The following CCDC146 variants were observed in gnomAD, a reference collection of about 807,000 sequenced individuals.
CCDC146 encodes coiled-coil domain containing 146.
A neutral mutation model predicts 119.3 loss-of-function variants in CCDC146; 92 were observed. The observed-to-expected ratio is 0.77, with a 90% CI of 0.65 to 0.92. CCDC146 has a LOEUF of 0.92. Ranked by LOEUF, CCDC146 falls within the 40% of genes least tolerant of loss-of-function variation. The pLI is 0.00. For synonymous variants in CCDC146, 372 were observed against 371.8 expected, an observed-to-expected ratio of 1.00 and a Z score of -0.01; for missense variants, 1,000 against 1,103.0, an observed-to-expected ratio of 0.91 and a Z score of 1.32.
Position 77,273,478 on chromosome 7 carries a change from G to C in CCDC146, c.1174-216G>C, listed in dbSNP as rs867852581. On this transcript the variant is annotated intron_variant, in intron 9 of 18. Transcript: ENST00000285871. ...TTTGCTCAGCATTTTCAAAAAGTGT[G>C]TGATGAGGTTGACTACACAGCAGTG... is the stretch of plus-strand genomic sequence containing the variant. Among the ~76,000 whole-genome samples, 39 of 152,114 alleles carry C rather than the reference G, an allele frequency of 2.6e-4. 1 individual carries two copies. Among genetic ancestry groups the C allele is most frequent in the Middle Eastern group, 6.8e-3 (2 of 294 alleles).
intron 3 of CCDC146, among the ~76,000 whole-genome samples, chr7:77,238,859 C>T (rs1792790164): frequency 6.6e-6 from 1 of 152,202 alleles, no homozygotes; most frequent in South Asian, 2.1e-4. Flanking sequence ...ATTTCTTCCT[C>T]TTCCAGGTTG....
intron 4 of CCDC146, among the ~76,000 whole-genome samples, chr7:77,250,296 A>G (rs1328545219): frequency 6.6e-6 from 1 of 152,022 alleles, no homozygotes; most frequent in African/African-American, 2.4e-5. Flanking sequence ...TTTGTGTAGA[A>G]CTGAGTTTCT....
intron 9 of CCDC146, among the ~76,000 whole-genome samples, chr7:77,263,783 GTGTGCTGGTGCACACCCA>G (rs1283152918): frequency 2.0e-5 from 3 of 152,132 alleles, no homozygotes; most frequent in African/African-American, 7.2e-5. Flanking sequence ...AATTGGTCGG[GTGTGCTGGTGCACACCCA>G]TGATCCCAGC....
chr7:77,213,086 T>C (rs1029528739), intron 2 of CCDC146, among the ~76,000 whole-genome samples: 1 of 152,012 alleles, frequency 6.6e-6, no homozygotes, highest in Non-Finnish European at 1.5e-5. Flanking sequence ...TGATGGCTTT[T>C]TGTGTGGTGG....
At chr7:77,267,525 C>CTT (rs74781634) in intron 9 of CCDC146, among the ~76,000 whole-genome samples, 2 of 149,700 alleles carry the variant, frequency 1.3e-5, no homozygotes, top group Non-Finnish European at 3.0e-5. Flanking sequence ...TAGACTTGAT[C>CTT]TTTTTTTTTT....
intron 1 of CCDC146, among the ~76,000 whole-genome samples, chr7:77,155,836 A>G (rs1304913971): frequency 1.3e-5 from 2 of 152,194 alleles, no homozygotes; most frequent in Non-Finnish European, 2.9e-5. Flanking sequence ...GTTCTGCCTC[A>G]TGTAAGGTGC....
At chr7:77,239,053 G>A (rs1792794496) in intron 3 of CCDC146, among the ~76,000 whole-genome samples, 1 of 152,158 alleles carries the variant, frequency 6.6e-6, no homozygotes, top group Non-Finnish European at 1.5e-5. Flanking sequence ...ATATAGCCTG[G>A]AAATATTGAA....
chr7:77,277,822 G>A lies in CCDC146; in HGVS notation c.1441-930G>A, dbSNP rs1344904068. 3.9e-5 allele frequency among the ~76,000 whole-genome samples: 5 copies of A among 129,274 alleles called. No individual in the cohort carries two copies. The East Asian group carries it at 7.0e-4, about 18-fold the overall frequency. 84.8% of individuals were successfully genotyped at this position (129,274 alleles called of 152,430 possible). A position where few individuals can be genotyped will look rare whatever the true frequency, so the allele number is the denominator to read the frequency against. On this transcript the variant is annotated intron_variant, in intron 11 of 18. Coordinates refer to ENST00000285871, the MANE Select transcript of CCDC146 (RefSeq NM_020879.3). Reference sequence around the variant, plus strand: ...CTTTGCTCTCAGTCCTTGAGAGAAGGCTGACAAACTCTTTCCTCTGGTTTA... The same window carrying A: ...CTTTGCTCTCAGTCCTTGAGAGAAGACTGACAAACTCTTTCCTCTGGTTTA...
chr7:77,252,699 A>G (rs927286013), intron 4 of CCDC146, among the ~76,000 whole-genome samples: 1 of 152,246 alleles, frequency 6.6e-6, no homozygotes, highest in African/African-American at 2.4e-5. Context: ...TATACAGAAT[A>G]AGAAAAGGAG....
chr7:77,137,146 A>C (rs180751595), intron 1 of CCDC146, among the ~76,000 whole-genome samples: 1,661 of 152,108 alleles, frequency 0.011, 23 homozygotes, highest in African/African-American at 0.038. Flanking sequence ...ACCTGTAGCT[A>C]ACATCATACT....
At chr7:77,170,862 T>G (rs868348420) in intron 2 of CCDC146, among the ~76,000 whole-genome samples, 7 of 152,268 alleles carry the variant, frequency 4.6e-5, no homozygotes, top group Middle Eastern at 6.8e-3. Flanking sequence ...AAAACCACAA[T>G]GAGATATTAT....
At chr7:77,174,554 G>A (rs1476345719) in intron 2 of CCDC146, among the ~76,000 whole-genome samples, 4 of 152,108 alleles carry the variant, frequency 2.6e-5, no homozygotes, top group Admixed American at 6.6e-5. Flanking sequence ...AGGTTGTCGG[G>A]TTGATGCCAT....
At chr7:77,160,028 C>T (rs1355522753) in intron 1 of CCDC146, among the ~76,000 whole-genome samples, 2 of 152,172 alleles carry the variant, frequency 1.3e-5, no homozygotes, top group Admixed American at 6.6e-5. Context: ...AATAGGGAAT[C>T]CTTTCCCCAT....
rs907785484 is a variant in CCDC146, at chr7:77,292,901, A to C, written c.2416-51A>C. On this transcript the variant is annotated intron_variant, in intron 17 of 18. Coordinates refer to ENST00000285871, the MANE Select transcript of CCDC146 (RefSeq NM_020879.3). ...AGACAGCCAGCAGCCTGCCATTTTA[A>C]GTCTTTGTGGACTGTATACATAGAC... 6 of 1,558,938 alleles carry C rather than the reference A, an allele frequency of 3.8e-6. No individual in the cohort carries two copies. The African/African-American group carries it at 6.9e-5, about 18-fold the overall frequency.
intron 1 of CCDC146, among the ~76,000 whole-genome samples, chr7:77,123,549 C>T (rs1790655453): frequency 6.6e-6 from 1 of 151,962 alleles, no homozygotes; most frequent in Non-Finnish European, 1.5e-5. Flanking sequence ...GTTTCTCTCT[C>T]CCCCTCTGTG....
intron 14 of CCDC146, among the ~76,000 whole-genome samples, chr7:77,281,936 T>G (rs1793771702): frequency 6.6e-6 from 1 of 152,208 alleles, no homozygotes; most frequent in Non-Finnish European, 1.5e-5. Context: ...AGATCAGTGG[T>G]GCATGATCGG....
At chr7:77,294,590 T>G in intron 18 of CCDC146, 73 bp from the exon 19 acceptor site, 2 of 1,456,792 alleles carry the variant, frequency 1.4e-6, no homozygotes, top group Non-Finnish European at 1.9e-6. Flanking sequence ...CAGCTGTGTC[T>G]TTTGGGACCT....
intron 6 of CCDC146, among the ~76,000 whole-genome samples, chr7:77,257,486 G>A (rs1324986015): frequency 6.6e-6 from 1 of 152,160 alleles, no homozygotes. Flanking sequence ...CCCTAGCAGA[G>A]ATGGATTTAA....
intron 1 of CCDC146, among the ~76,000 whole-genome samples, chr7:77,162,153 A>G (rs1476755107): frequency 6.6e-6 from 1 of 151,818 alleles, no homozygotes; most frequent in East Asian, 1.9e-4. Context: ...TTTTAGTTGG[A>G]TGTCATCTCA....
Sources: allele counts gnomAD v4.1 joint callset (sites outside exome capture counted in the v4.1 genomes callset), GRCh38; gene constraint gnomAD v4.1.1; transcripts MANE v1.5; gene names NCBI Gene and HGNC (gene_info 2026-07-23, HGNC 2026-07-21).